EIF4G3: variants seen among roughly 807,000 people sequenced by gnomAD.
EIF4G3 encodes eIF-4-gamma 3.
In EIF4G3, 34 loss-of-function variants were observed where a neutral mutation model predicts 186.4. The observed-to-expected ratio is 0.18, with a 90% CI of 0.14 to 0.24. The LOEUF (loss-of-function observed/expected upper bound fraction) is 0.24, where lower values mean the gene tolerates loss of function less well. EIF4G3 is among the 10% of genes least tolerant of loss of function. The pLI is 1.00. For synonymous variants in EIF4G3, 673 were observed against 679.5 expected (o/e 0.99, Z 0.15); for missense variants, 1,536 against 1,948.5 (o/e 0.79, Z 3.99).
At chr1:20,820,175 A>T (rs1259333430) in intron 33 of EIF4G3, among the ~76,000 whole-genome samples, 2 of 151,008 alleles carry the variant, frequency 1.3e-5, no homozygotes, top group Non-Finnish European at 3.0e-5. Flanking sequence ...GCCTTTCTTG[A>T]GGGAGCAGGC....
intron 2 of EIF4G3, among the ~76,000 whole-genome samples, chr1:21,127,008 AG>A (rs1246229378): frequency 1.3e-5 from 2 of 152,008 alleles, no homozygotes; most frequent in Admixed American, 1.3e-4. Context: ...TGTTGAGAAA[AG>A]GTCTCACTTT....
chr1:20,963,518 T>G (rs1204268128), intron 12 of EIF4G3, among the ~76,000 whole-genome samples: 1 of 152,136 alleles, frequency 6.6e-6, no homozygotes, highest in Admixed American at 6.5e-5. Context: ...ACGCTATCAA[T>G]CCATAATTTC....
At position 20,969,714 on chromosome 1, in the gene EIF4G3, TCAC is replaced by T. The variant is rs147202232; in HGVS notation, c.592-121_592-119del. On this transcript the variant is annotated intron_variant, in intron 11 of 36. Transcript: ENST00000602326. Reference sequence around the variant, plus strand: ...ACCTGTCAAATATCAAAGGTGATAATCACCACATTTGACTTTATTTCAATCACA... The same window carrying T: ...ACCTGTCAAATATCAAAGGTGATAATCACATTTGACTTTATTTCAATCACA... 910 of 913,854 alleles carry T rather than the reference TCAC, an allele frequency of 1.0e-3. 12 individuals carry two copies. In the African/African-American group the frequency reaches 0.014, roughly 14 times the overall value. The allele number at this position is 913,854 out of a possible 1,614,324, so 56.6% of individuals were successfully genotyped here.
At chr1:20,827,066 G>C (rs1376405080) in intron 32 of EIF4G3, among the ~76,000 whole-genome samples, 1 of 152,158 alleles carries the variant, frequency 6.6e-6, no homozygotes, top group Non-Finnish European at 1.5e-5. Context: ...TCAGGCGTAA[G>C]TAAGTCAGAA....
Position 21,052,985 on chromosome 1 carries a change from C to T in EIF4G3, c.-195-1991G>A, listed in dbSNP as rs1377242885. On this transcript the variant is annotated intron_variant, in intron 3 of 36. Coordinates refer to ENST00000602326, the MANE Select transcript of EIF4G3 (RefSeq NM_001391906.1). ...GCCCCGCAAAGTGCCGAGATTGCAG[C>T]CTCTGCCCGGCCGCCACCCCGTCTG... Among the ~76,000 whole-genome samples, 27 of 151,964 alleles carry T rather than the reference C, an allele frequency of 1.8e-4. No individual in the cohort carries two copies. The East Asian group carries it at 4.7e-3, about 26-fold the overall frequency.
chr1:20,966,177 CA>C (rs1308646929), intron 12 of EIF4G3, among the ~76,000 whole-genome samples: 1 of 152,140 alleles, frequency 6.6e-6, no homozygotes, highest in East Asian at 1.9e-4. Context: ...ACAGCATAAG[CA>C]ATTATGTCTA....
rs185088567 is a variant in EIF4G3 at position 20,961,343 on chromosome 1, A to T, written c.714+8131T>A. ...GGTTGCAGAGAGCCAAGATTGCACA[A>T]CTGCACTCCAGCCTGGTGACAGAGC... On this transcript the variant is annotated intron_variant, in intron 12 of 36. Transcript: ENST00000602326. Among the ~76,000 whole-genome samples the T allele has an allele frequency of 3.0e-4, 46 of 152,298 alleles. No individual in the cohort carries two copies. The East Asian group carries it at 8.1e-3, about 27-fold the overall frequency.
chr1:21,078,015 T>C (rs973279112), intron 3 of EIF4G3, among the ~76,000 whole-genome samples: 4 of 151,850 alleles, frequency 2.6e-5, no homozygotes, highest in Non-Finnish European at 4.4e-5. Flanking sequence ...AAAACTACAA[T>C]AGATCTACCA....
chr1:21,005,387 G>T (rs2084773276), intron 4 of EIF4G3, among the ~76,000 whole-genome samples: 1 of 152,036 alleles, frequency 6.6e-6, no homozygotes, highest in Admixed American at 6.6e-5. Flanking sequence ...TCTGAAGCAG[G>T]AGTTTCTAGC....
At chr1:20,997,690 C>A in intron 6 of EIF4G3, 57 bp from the exon 7 acceptor site, 1 of 1,430,142 alleles carries the variant, frequency 7.0e-7, no homozygotes, top group Non-Finnish European at 9.3e-7. Flanking sequence ...TCAGAAACAC[C>A]ACAACAAAAA....
chr1:20,972,982 A>C lies in EIF4G3; in HGVS notation c.591+20T>G. ...TAGATTTTAGATTTAAAATAAGAAAAAGTAATAAAAATCTCTTACAGTTTT... is the reference window on the plus strand; with the variant it reads ...TAGATTTTAGATTTAAAATAAGAAACAGTAATAAAAATCTCTTACAGTTTT... On this transcript the variant is annotated intron_variant, in intron 11 of 36. Coordinates refer to ENST00000602326, the MANE Select transcript of EIF4G3 (RefSeq NM_001391906.1). 2 of 1,562,632 alleles carry C rather than the reference A, an allele frequency of 1.3e-6. No homozygotes were observed. Among genetic ancestry groups the C allele is most frequent in the Non-Finnish European group, 1.7e-6 (2 of 1,155,006 alleles).
intron 2 of EIF4G3, among the ~76,000 whole-genome samples, chr1:21,160,906 T>C (rs535314742): frequency 4.6e-5 from 7 of 152,264 alleles, no homozygotes; most frequent in Non-Finnish European, 1.0e-4. Context: ...GAAAGTTTCT[T>C]AGGCCTGTAA....
At chr1:21,085,460 G>T (rs1013468644) in intron 3 of EIF4G3, among the ~76,000 whole-genome samples, 1 of 152,082 alleles carries the variant, frequency 6.6e-6, no homozygotes, top group Admixed American at 6.5e-5. Context: ...ATTCAGAGGC[G>T]CAATCATGTA....
At chr1:21,077,768 TACTC>T (rs986986920) in intron 3 of EIF4G3, among the ~76,000 whole-genome samples, 4 of 150,848 alleles carry the variant, frequency 2.7e-5, no homozygotes, top group African/African-American at 9.8e-5. Context: ...TAATCCCAGA[TACTC>T]AGGAGGCTGT....
chr1:20,870,805 G>A (rs895406679), intron 20 of EIF4G3, among the ~76,000 whole-genome samples: 2 of 152,176 alleles, frequency 1.3e-5, no homozygotes, highest in African/African-American at 4.8e-5. Context: ...CATGAAGGGA[G>A]TCTCACAGGC....
rs1309777490 is a variant in EIF4G3 at position 20,879,442 on chromosome 1, C to T, written c.2503G>A (p.Gly835Arg). ...CGCTCCTCTGTGTCAACAGTAAGTC[C>T]TGACACTTGCTTCATCAGTTGATTG... ...MFNQLMKQVSGLTVDTEERLK... is the reference protein window; with the variant it reads ...MFNQLMKQVSRLTVDTEERLK... Residue 835 changes from glycine (G) to arginine (R), a missense_variant, in exon 20 of 37, where the codon GGA (glycine) becomes AGA (arginine). Around this residue, in one of 11 missense-constraint regions of EIF4G3, gnomAD observed 139 missense variants for 192.8 expected, o/e 0.72. Coordinates refer to ENST00000602326, the MANE Select transcript of EIF4G3 (RefSeq NM_001391906.1). The T allele has an allele frequency of 1.1e-5, 17 of 1,586,152 alleles. No individual in the cohort carries two copies. The highest frequency in any genetic ancestry group is 1.5e-5 in the Non-Finnish European group (17 of 1,166,500).
At chr1:20,890,602 T>C (rs2085686970) in intron 18 of EIF4G3, among the ~76,000 whole-genome samples, 1 of 152,080 alleles carries the variant, frequency 6.6e-6, no homozygotes, top group South Asian at 2.1e-4. Context: ...ACTACAGGTG[T>C]GTGCCCTCAT....
At chr1:21,093,254 G>GA (rs1553231410) in intron 2 of EIF4G3, among the ~76,000 whole-genome samples, 4 of 151,862 alleles carry the variant, frequency 2.6e-5, no homozygotes, top group African/African-American at 4.8e-5. Context: ...AAATTTACAA[G>GA]AAAAAAACAA....
chr1:21,053,713 A>G (rs12736797), intron 3 of EIF4G3, among the ~76,000 whole-genome samples: 10 of 111,288 alleles, frequency 9.0e-5, no homozygotes, highest in Admixed American at 2.9e-4. Flanking sequence ...CCGTCCGGGA[A>G]GGATGTTGGG....
Sources: gnomAD v4.1 joint callset for allele counts (sites outside exome capture counted in the v4.1 genomes callset) on GRCh38, gnomAD v4.1.1 for gene constraint, gnomAD v4.1.1 regional missense constraint, MANE v1.5 for transcripts, NCBI Gene and HGNC (gene_info 2026-07-23, HGNC 2026-07-21) for gene names.